Variants in TNC observed in about 807,000 individuals in gnomAD.
TNC encodes the protein tenascin.
A neutral mutation model predicts 202.4 loss-of-function variants in TNC; 109 were observed. That is an observed-to-expected ratio of 0.54 (90% CI 0.46 to 0.63). The LOEUF (loss-of-function observed/expected upper bound fraction) is 0.63. Ranked by LOEUF, TNC falls within the 30% of genes least tolerant of loss-of-function variation. TNC has a pLI of 0.00. For missense variants in TNC, 2,756 were observed against 2,833.3 expected, an observed-to-expected ratio of 0.97 and a Z score of 0.62; for synonymous variants, 1,007 against 1,089.7, an observed-to-expected ratio of 0.92 and a Z score of 1.50.
chr9:115,060,798 G>T (rs1240409493), intron 13 of TNC, among the ~76,000 whole-genome samples: 1 of 152,086 alleles, frequency 6.6e-6, no homozygotes, highest in Non-Finnish European at 1.5e-5. Context: ...TTGTGTACTG[G>T]GTTCTCAGCT....
intron 10 of TNC, among the ~76,000 whole-genome samples, chr9:115,072,092 A>T (rs986057371): frequency 5.9e-5 from 9 of 152,200 alleles, no homozygotes; most frequent in African/African-American, 9.6e-5. Context: ...TGGAAGTAAC[A>T]TGTTCAGACA....
At chr9:115,069,383 T>C (rs1056226151) in intron 10 of TNC, among the ~76,000 whole-genome samples, 1 of 147,702 alleles carries the variant, frequency 6.8e-6, no homozygotes, top group Non-Finnish European at 1.5e-5. Flanking sequence ...TTTATAAGAG[T>C]ACAAAAGCAG....
rs1195806506 is a variant in TNC, at chr9:115,030,246, G to A, written c.6072+8C>T. On this transcript the variant is annotated splice_region_variant and intron_variant, in intron 24 of 27. Coordinates refer to ENST00000350763, the MANE Select transcript of TNC (RefSeq NM_002160.4). ...CCTGAGGGCTCTGCAGTCCCTGGTG[G>A]TACTCACAATCCATCCACCCCCATC... The A allele has an allele frequency of 1.9e-6, 3 of 1,604,116 alleles. No individual in the cohort carries two copies. The South Asian group carries it at 3.3e-5, about 18-fold the overall frequency.
chr9:115,076,484 A>T lies in TNC; in HGVS notation c.2766T>A (p.Ser922Arg). The change falls in exon 8 of 28, where the codon AGT (serine) becomes AGA (arginine). Residue 922 changes from serine (S) to arginine (R), a missense_variant. Physicochemically the swap from Ser to Arg is moderately radical, Grantham distance 110 (BLOSUM62 -1). Transcript: ENST00000350763. ...EWRNGKAAID[S>R]YRIKYAPISG... The stretch of plus-strand genomic sequence containing the variant: ...AGATGGGGGCATACTTAATTCTGTA[A>T]CTGTCAATAGCTGCCTTGCCATTCC... 1.2e-6 allele frequency: 2 copies of T among 1,614,190 alleles called. No individual in the cohort carries two copies. The highest frequency in any genetic ancestry group is 1.7e-6 in the Non-Finnish European group (2 of 1,180,038).
Position 115,020,696 on chromosome 9 carries a change from G to A in TNC, c.*461C>T. 6.0e-6 allele frequency: 2 copies of A among 332,816 alleles called. No individual in the cohort carries two copies. Among genetic ancestry groups the A allele is most frequent in the South Asian group, 5.3e-5 (2 of 37,928 alleles). 20.6% of individuals were successfully genotyped at this position (332,816 alleles called of 1,614,324 possible). A position where few individuals can be genotyped will look rare whatever the true frequency, so the allele number is the denominator to read the frequency against. ...ATATCCTTAAAATGGAAACAGTATT[G>A]CTTTTCTGGTTTCTGTTGTATGAAA... On this transcript the variant is annotated 3_prime_UTR_variant, in exon 28 of 28. Transcript: ENST00000350763.
chr9:115,110,120 G>A (rs1391861001), intron 1 of TNC, among the ~76,000 whole-genome samples: 1 of 152,150 alleles, frequency 6.6e-6, no homozygotes, highest in Non-Finnish European at 1.5e-5. Context: ...CCTGGAGGAA[G>A]TGGTGCCTGA....
At position 115,059,798 on chromosome 9, in the gene TNC, T is replaced by C; in HGVS notation, c.4238A>G (p.Tyr1413Cys). 6.2e-7 allele frequency: 1 copy of C among 1,614,044 alleles called. No homozygotes were observed. Among genetic ancestry groups the C allele is most frequent in the African/African-American group, 1.3e-5 (1 of 75,012 alleles). ...GATCACCCCATAGATGGAGACTCTA[T>C]AAGGCGTGGCAGCCTCGAGGCCCGG... Reference protein sequence around the residue: ...DIPGLEAATPYRVSIYGVIRG... With the variant: ...DIPGLEAATPCRVSIYGVIRG... Residue 1413 changes from tyrosine (Y) to cysteine (C), a missense_variant, in exon 14 of 28, where the codon TAT becomes TGT. Tyr to Cys is a radical substitution (Grantham distance 194). Coordinates refer to ENST00000350763, the MANE Select transcript of TNC (RefSeq NM_002160.4).
chr9:115,041,185 A>G, intron 18 of TNC, 101 bp from the exon 19 acceptor site: 2 of 1,314,956 alleles, frequency 1.5e-6, no homozygotes, highest in South Asian at 1.5e-5. Context: ...ATGAAACTAT[A>G]TCTTCATCAA....
intron 1 of TNC, among the ~76,000 whole-genome samples, chr9:115,116,772 A>G (rs1837499759): frequency 6.6e-6 from 1 of 152,014 alleles, no homozygotes; most frequent in Non-Finnish European, 1.5e-5. Flanking sequence ...CCGGGCTACT[A>G]CCTTTTCTCC....
rs541931659 is a variant in TNC, at chr9:115,051,770, T to C, written c.4580-3238A>G. 7.2e-5 allele frequency among the ~76,000 whole-genome samples: 11 copies of C among 151,926 alleles called. No homozygotes were observed. In the South Asian group the frequency reaches 2.3e-3, roughly 32 times the overall value. ...TCTTAGGCCTTTACTAACTTAGGAG[T>C]CACTTTTTAGGCAGAATCTCTAAAC... On this transcript the variant is annotated intron_variant, in intron 15 of 27. Transcript: ENST00000350763.
chr9:115,085,267 C>CA (rs979497190), intron 3 of TNC, among the ~76,000 whole-genome samples: 2 of 152,076 alleles, frequency 1.3e-5, no homozygotes, highest in East Asian at 1.9e-4. Flanking sequence ...ACAAAACAAT[C>CA]AAAAAAACAA....
At chr9:115,069,473 G>A (rs1833195445) in intron 10 of TNC, among the ~76,000 whole-genome samples, 1 of 151,810 alleles carries the variant, frequency 6.6e-6, no homozygotes, top group Admixed American at 6.6e-5. Context: ...GAGTGGAGGA[G>A]AGGGAAAGAG....
chr9:115,051,883 G>A (rs1359182343), intron 15 of TNC, among the ~76,000 whole-genome samples: 1 of 151,936 alleles, frequency 6.6e-6, no homozygotes, highest in Non-Finnish European at 1.5e-5. Flanking sequence ...CTTCCTAAGA[G>A]CAGCTGTGAA....
At chr9:115,025,238 C>A (rs1255480475) in intron 26 of TNC, among the ~76,000 whole-genome samples, 1 of 152,216 alleles carries the variant, frequency 6.6e-6, no homozygotes, top group South Asian at 2.1e-4. Flanking sequence ...GCCATCTCAA[C>A]CAAAGAGGTA....
At chr9:115,037,796 G>A (rs1830445642) in intron 20 of TNC, among the ~76,000 whole-genome samples, 1 of 152,174 alleles carries the variant, frequency 6.6e-6, no homozygotes. Flanking sequence ...CCAAAGTGCT[G>A]GATTACAGAT....
intron 22 of TNC, among the ~76,000 whole-genome samples, chr9:115,034,062 C>T (rs73551065): frequency 0.057 from 8,709 of 152,266 alleles, 311 homozygotes; most frequent in Middle Eastern, 0.14. Context: ...CTAAGATCTC[C>T]TCATTCCCTC....
chr9:115,025,730 T>C (rs930564994), intron 26 of TNC, among the ~76,000 whole-genome samples: 7 of 152,358 alleles, frequency 4.6e-5, no homozygotes, highest in Admixed American at 2.0e-4. Flanking sequence ...ATAAATAAGA[T>C]GAATGCAGGT....
Position 115,068,702 on chromosome 9 carries a change from G to T in TNC, c.3215-3783C>A, listed in dbSNP as rs551053472. On this transcript the variant is annotated intron_variant, in intron 10 of 27. Transcript: ENST00000350763. Reference sequence around the variant, plus strand: ...GTTTTCCCACTCTATCATATAGCAGGACTGTATAGCTTGCAGTTCACTAAG... The same window carrying T: ...GTTTTCCCACTCTATCATATAGCAGTACTGTATAGCTTGCAGTTCACTAAG... 3.3e-5 allele frequency among the ~76,000 whole-genome samples: 5 copies of T among 152,322 alleles called. No individual in the cohort carries two copies. The South Asian group carries it at 1.0e-3, about 32-fold the overall frequency.
rs183546975 is a variant in TNC, at chr9:115,108,363, A to T, written c.-137+9619T>A. On this transcript the variant is annotated intron_variant, in intron 1 of 27. Coordinates refer to ENST00000350763, the MANE Select transcript of TNC (RefSeq NM_002160.4). ...AGTTGAACAGATTAATTACAGCAAG[A>T]TATCTCAGATGATGCACTCTACTTC... Among the ~76,000 whole-genome samples, 5 of 152,318 alleles carry T rather than the reference A, an allele frequency of 3.3e-5. No homozygotes were observed. The East Asian group carries it at 9.6e-4, about 29-fold the overall frequency.
Sources: allele counts gnomAD v4.1 joint callset (sites outside exome capture counted in the v4.1 genomes callset), GRCh38; gene constraint gnomAD v4.1.1; transcripts MANE v1.5; gene names NCBI Gene and HGNC (gene_info 2026-07-23, HGNC 2026-07-21).